DNAH12: variants seen among roughly 807,000 people sequenced by gnomAD.
DNAH12 encodes the protein dynein axonemal heavy chain 12, also known as axonemal beta dynein heavy chain 12.
Under a neutral mutation model 371.5 loss-of-function variants are expected in DNAH12, and 285 were observed. The observed-to-expected ratio is 0.77, with a 90% CI of 0.70 to 0.85. DNAH12 has a LOEUF of 0.85. DNAH12 is among the 40% of genes least tolerant of loss of function. DNAH12 has a pLI of 0.00. For synonymous variants in DNAH12, 1,200 were observed against 1,213.0 expected (o/e 0.99, Z 0.22); for missense variants, 3,611 against 3,689.4 (o/e 0.98, Z 0.55).
chr3:57,411,464 T>C (rs552461144), intron 39 of DNAH12, among the ~76,000 whole-genome samples: 63 of 136,212 alleles, frequency 4.6e-4, no homozygotes, highest in African/African-American at 1.8e-3. Flanking sequence ...GAGGCAGAGG[T>C]TGTAGTGAGC....
intron 11 of DNAH12, among the ~76,000 whole-genome samples, chr3:57,500,143 C>T (rs148331404): frequency 0.031 from 3,637 of 117,330 alleles, 67 homozygotes; most frequent in Middle Eastern, 0.044. Flanking sequence ...CAGGTTCAAG[C>T]GATCCTACTC....
At chr3:57,504,268 A>G in intron 8 of DNAH12, 64 bp from the exon 9 acceptor site, 1 of 1,352,490 alleles carries the variant, frequency 7.4e-7, no homozygotes, top group South Asian at 1.4e-5. Flanking sequence ...AAAATCAGTA[A>G]ACTGATTATA....
chr3:57,462,884 A>G lies in DNAH12; in HGVS notation c.2350-9T>C. On this transcript the variant is annotated splice_polypyrimidine_tract_variant and intron_variant, in intron 17 of 73. Coordinates refer to ENST00000495027, the MANE Select transcript of DNAH12 (RefSeq NM_001366028.2). ...ACAGTAGGAATATATTCCTAATGGC[A>G]AAAATATAAACAATTATGAGTCACT... The G allele has an allele frequency of 6.5e-7, 1 of 1,541,596 alleles. No individual in the cohort carries two copies. Among genetic ancestry groups the G allele is most frequent in the East Asian group, 2.4e-5 (1 of 40,852 alleles).
intron 45 of DNAH12, among the ~76,000 whole-genome samples, chr3:57,390,971 G>C (rs923001299): frequency 3.4e-4 from 51 of 152,194 alleles, no homozygotes; most frequent in Admixed American, 1.5e-3. Flanking sequence ...CAACTCAACT[G>C]CTGCTGCCCT....
chr3:57,315,639 C>T (rs1387326573), intron 65 of DNAH12, among the ~76,000 whole-genome samples: 3 of 151,640 alleles, frequency 2.0e-5, no homozygotes, highest in African/African-American at 4.9e-5. Flanking sequence ...GAGAAAGATG[C>T]GGGTGAAGGT....
chr3:57,552,783 G>T, the DNAH12 span, among the ~76,000 whole-genome samples: 1 of 151,998 alleles, frequency 6.6e-6, no homozygotes, highest in South Asian at 2.1e-4. Flanking sequence ...GTGTAGTTGC[G>T]TGTACCTAAA....
intron 59 of DNAH12, among the ~76,000 whole-genome samples, chr3:57,355,965 GTAT>G (rs1199079077): frequency 3.3e-5 from 5 of 152,030 alleles, no homozygotes; most frequent in Non-Finnish European, 4.4e-5. Context: ...CAAAAGGTAG[GTAT>G]TATTATTATC....
the DNAH12 span, among the ~76,000 whole-genome samples, chr3:57,555,476 G>A: frequency 1.3e-5 from 2 of 151,610 alleles, no homozygotes; most frequent in East Asian, 2.0e-4. Flanking sequence ...AGTTCGAGGG[G>A]GCAGTGAGCT....
chr3:57,472,049 G>T (rs1021105974), intron 14 of DNAH12, among the ~76,000 whole-genome samples: 3 of 152,070 alleles, frequency 2.0e-5, no homozygotes, highest in African/African-American at 4.8e-5. Context: ...CTGATTGAAG[G>T]CCATGCTTTT....
intron 50 of DNAH12, among the ~76,000 whole-genome samples, chr3:57,381,220 G>A (rs1180123842): frequency 1.1e-4 from 15 of 135,344 alleles, no homozygotes; most frequent in Admixed American, 6.1e-4. Flanking sequence ...TTCTACTTCC[G>A]GAAGCCTGAT....
intron 40 of DNAH12, among the ~76,000 whole-genome samples, chr3:57,407,146 C>G (rs1033748236): frequency 6.6e-6 from 1 of 152,104 alleles, no homozygotes; most frequent in Non-Finnish European, 1.5e-5. Context: ...ATCCGCCCAC[C>G]TTGGCCTCCC....
At chr3:57,383,533 A>G (rs1230469458) in intron 49 of DNAH12, among the ~76,000 whole-genome samples, 2 of 151,884 alleles carry the variant, frequency 1.3e-5, no homozygotes, top group African/African-American at 4.8e-5. Flanking sequence ...CTGCTGTAAT[A>G]AATCTCTAAG....
chr3:57,366,147 G>A (rs1171780910), intron 57 of DNAH12, among the ~76,000 whole-genome samples: 1 of 152,124 alleles, frequency 6.6e-6, no homozygotes, highest in East Asian at 1.9e-4. Flanking sequence ...AAAGAAGCTG[G>A]CTAAATCCCA....
the DNAH12 span, among the ~76,000 whole-genome samples, chr3:57,553,843 C>G: frequency 1.4e-5 from 2 of 140,324 alleles, no homozygotes; most frequent in Non-Finnish European, 3.1e-5. Flanking sequence ...TTTTTTTTTT[C>G]CGAGACAGAG....
intron 17 of DNAH12, among the ~76,000 whole-genome samples, chr3:57,465,087 C>G (rs996800609): frequency 6.6e-6 from 1 of 152,200 alleles, no homozygotes; most frequent in Non-Finnish European, 1.5e-5. Flanking sequence ...TCAGCCCTTG[C>G]TCTTTCTCTC....
intron 4 of DNAH12, chr3:57,520,151 C>T: frequency 2.4e-6 from 1 of 412,516 alleles, no homozygotes; most frequent in Non-Finnish European, 4.6e-6. Context: ...TCGCTCTTGT[C>T]GCCCAGACTG....
intron 2 of DNAH12, among the ~76,000 whole-genome samples, chr3:57,531,334 AC>A (rs2068839228): frequency 6.6e-6 from 1 of 152,056 alleles, no homozygotes; most frequent in Non-Finnish European, 1.5e-5. Context: ...ATTTCATTCC[AC>A]TTTCTCTTGG....
At chr3:57,353,409 C>G (rs1334030848) in intron 59 of DNAH12, among the ~76,000 whole-genome samples, 29 of 152,238 alleles carry the variant, frequency 1.9e-4, no homozygotes, top group African/African-American at 6.7e-4. Flanking sequence ...CTTCCCATCT[C>G]AGCCTCCTAA....
In DNAH12 at chr3:57,513,460, C is replaced by T. The variant is rs113232227; in HGVS notation, c.280-2481G>A. On this transcript the variant is annotated intron_variant, in intron 4 of 73. Transcript: ENST00000495027. Reference sequence around the variant, plus strand: ...CGTATACCTATGTAACAAACCTGCACGTTCTGCACATGTATCCCGGAACAT... The same window carrying T: ...CGTATACCTATGTAACAAACCTGCATGTTCTGCACATGTATCCCGGAACAT... 6.9e-3 allele frequency among the ~76,000 whole-genome samples: 1,052 copies of T among 151,992 alleles called. 13 individuals carry two copies. Among genetic ancestry groups the T allele is most frequent in the African/African-American group, 0.024 (977 of 41,438 alleles).
Sources: gnomAD v4.1 joint callset for allele counts (sites outside exome capture counted in the v4.1 genomes callset) on GRCh38, gnomAD v4.1.1 for gene constraint, MANE v1.5 for transcripts, NCBI Gene and HGNC (gene_info 2026-07-23, HGNC 2026-07-21) for gene names.